The following NPIPB11 variants were observed in gnomAD, a reference collection of about 807,000 sequenced individuals.
NPIPB11 encodes nuclear pore complex interacting protein family member B11.
In NPIPB11, 17 loss-of-function variants were observed where a neutral mutation model predicts 32.8. The ratio of observed to expected loss-of-function variants is 0.52; its 90% CI spans 0.35 to 0.78. NPIPB11 has a LOEUF of 0.78. NPIPB11 is among the 30% of genes least tolerant of loss of function. The probability of loss-of-function intolerance (pLI) is 0.01; values close to 1 mark genes in which losing one functional copy is unlikely to be tolerated. For synonymous variants in NPIPB11, 209 were observed against 398.4 expected, an observed-to-expected ratio of 0.52 and a Z score of 5.66; for missense variants, 537 against 1,000.4, an observed-to-expected ratio of 0.54 and a Z score of 6.25.
intron 2 of NPIPB11, among the ~76,000 whole-genome samples, chr16:29,399,895 G>T (rs1191646662): frequency 6.6e-6 from 1 of 151,904 alleles, no homozygotes; most frequent in East Asian, 1.9e-4. Context: ...TGACCAACAT[G>T]GTGAAACCCC....
chr16:29,389,534 C>T (rs566196920), intron 5 of NPIPB11, among the ~76,000 whole-genome samples: 3 of 149,238 alleles, frequency 2.0e-5, no homozygotes, highest in African/African-American at 7.4e-5. Context: ...ATTAGCTGGG[C>T]GTGATGGTGG....
rs1287637717 is a variant in NPIPB11, at chr16:29,397,472, A to T, written c.121-3396T>A. The T allele has an allele frequency of 3.1e-6, 4 of 1,276,594 alleles. No individual in the cohort carries two copies. The African/African-American group carries it at 6.1e-5, about 20-fold the overall frequency. The allele number at this position is 1,276,594 out of a possible 1,614,324, so 79.1% of individuals were successfully genotyped here. On this transcript the variant is annotated intron_variant, in intron 2 of 7. Transcript: ENST00000524087. ...GTGATCTGCCCACCTCGGCCCCCTA[A>T]AGTGCTGGGATTACAGGCCTGAGCT...
intron 2 of NPIPB11, among the ~76,000 whole-genome samples, chr16:29,394,669 C>T (rs1048874481): frequency 1.8e-4 from 28 of 152,110 alleles, no homozygotes; most frequent in Admixed American, 1.4e-3. Context: ...TCCTGACAGG[C>T]GATCTGCCTG....
intron 3 of NPIPB11, among the ~76,000 whole-genome samples, chr16:29,391,385 C>G (rs1197238826): frequency 0.029 from 3,500 of 119,836 alleles, no homozygotes; most frequent in Non-Finnish European, 0.045. Context: ...TGTTTCACAA[C>G]TTGAAAAGGA....
intron 5 of NPIPB11, among the ~76,000 whole-genome samples, chr16:29,389,510 G>T (rs553858911): frequency 7.4e-5 from 11 of 148,288 alleles, no homozygotes; most frequent in African/African-American, 2.5e-4. Context: ...CCCATCTCTA[G>T]TAAAAATACA....
At chr16:29,395,937 C>T (rs1963842792) in intron 2 of NPIPB11, among the ~76,000 whole-genome samples, 1 of 150,630 alleles carries the variant, frequency 6.6e-6, no homozygotes, top group Non-Finnish European at 1.5e-5. Flanking sequence ...GAGATTGCAC[C>T]ACTGCACTTC....
intron 3 of NPIPB11, among the ~76,000 whole-genome samples, chr16:29,391,703 G>C (rs547230445): frequency 1.3e-5 from 2 of 152,214 alleles, no homozygotes; most frequent in South Asian, 4.1e-4. Context: ...AGATACCTAT[G>C]AATCTCCTGA....
chr16:29,397,012 G>T (rs1482659770), intron 2 of NPIPB11, among the ~76,000 whole-genome samples: 1 of 151,480 alleles, frequency 6.6e-6, no homozygotes, highest in Non-Finnish European at 1.5e-5. Flanking sequence ...GCCAGGCGTG[G>T]TGGTCTACTA....
intron 2 of NPIPB11, among the ~76,000 whole-genome samples, chr16:29,394,727 C>T (rs1289818386): frequency 2.0e-5 from 3 of 149,518 alleles, no homozygotes; most frequent in African/African-American, 7.4e-5. Context: ...CCACCGTGCC[C>T]AGCCATTTTT....
chr16:29,382,207 G>A (rs752046163), exon 8 of NPIPB11: 37 of 1,539,802 alleles, frequency 2.4e-5, no homozygotes, highest in Non-Finnish European at 2.9e-5. Flanking sequence ...GCTGAGGGTG[G>A]AAGGGGAGTG....
At chr16:29,394,670 G>T (rs887652596) in intron 2 of NPIPB11, among the ~76,000 whole-genome samples, 3 of 151,982 alleles carry the variant, frequency 2.0e-5, no homozygotes, top group African/African-American at 4.8e-5. Flanking sequence ...CCTGACAGGC[G>T]ATCTGCCTGC....
At chr16:29,401,281 T>C (rs1963985318) in intron 2 of NPIPB11, among the ~76,000 whole-genome samples, 1 of 152,118 alleles carries the variant, frequency 6.6e-6, no homozygotes, top group Non-Finnish European at 1.5e-5. Flanking sequence ...ACTCTTGATA[T>C]CCTTCCAGAT....
At chr16:29,395,677 T>G (rs910482332) in intron 2 of NPIPB11, among the ~76,000 whole-genome samples, 2 of 149,326 alleles carry the variant, frequency 1.3e-5, no homozygotes, top group Admixed American at 1.3e-4. Context: ...CAAATTTTAG[T>G]GCTTAAAAAT....
At chr16:29,402,724 C>CTCTCTGTGTG (rs1449821025) in intron 2 of NPIPB11, among the ~76,000 whole-genome samples, 75 of 119,664 alleles carry the variant, frequency 6.3e-4, no homozygotes, top group South Asian at 1.4e-3. Context: ...CTCTCTCTCT[C>CTCTCTGTGTG]TGTGTGTGTG....
At chr16:29,400,267 T>C (rs1963958795) in intron 2 of NPIPB11, among the ~76,000 whole-genome samples, 1 of 148,958 alleles carries the variant, frequency 6.7e-6, no homozygotes, top group African/African-American at 2.5e-5. Context: ...GTGAGCAGAG[T>C]TTGGGGTCTC....
chr16:29,402,722 C>CTGTGTGTGTGTGTGTG (rs1245633106), intron 2 of NPIPB11, among the ~76,000 whole-genome samples: 41 of 113,796 alleles, frequency 3.6e-4, no homozygotes, highest in South Asian at 2.1e-3. Context: ...CTCTCTCTCT[C>CTGTGTGTGTGTGTGTG]TCTGTGTGTG....
intron 2 of NPIPB11, among the ~76,000 whole-genome samples, chr16:29,394,409 G>A (rs1278105097): frequency 4.5e-5 from 6 of 133,144 alleles, no homozygotes; most frequent in African/African-American, 1.8e-4. Flanking sequence ...AACAATAGCT[G>A]ATGATCTAAA....
At chr16:29,396,946 G>A (rs1456427433) in intron 2 of NPIPB11, among the ~76,000 whole-genome samples, 1 of 151,860 alleles carries the variant, frequency 6.6e-6, no homozygotes, top group Non-Finnish European at 1.5e-5. Context: ...TCAAGAGATG[G>A]AGACTATCCT....
chr16:29,399,945 C>G (rs1963949891), intron 2 of NPIPB11, among the ~76,000 whole-genome samples: 1 of 151,454 alleles, frequency 6.6e-6, no homozygotes, highest in African/African-American at 2.4e-5. Context: ...GGCACGGTGG[C>G]ACCCGCCTGT....
Sources: gnomAD v4.1 joint callset for allele counts (sites outside exome capture counted in the v4.1 genomes callset) on GRCh38, gnomAD v4.1.1 for gene constraint, MANE v1.5 for transcripts, NCBI Gene and HGNC (gene_info 2026-07-23, HGNC 2026-07-21) for gene names.